Variants in NKIRAS1 observed in about 807,000 individuals in gnomAD.
NKIRAS1 encodes NFKB inhibitor interacting Ras like 1.
A neutral mutation model predicts 19.8 loss-of-function variants in NKIRAS1; 16 were observed. The observed-to-expected ratio is 0.81, with a 90% CI of 0.55 to 1.23. The LOEUF (loss-of-function observed/expected upper bound fraction) is 1.23, where lower values mean the gene tolerates loss of function less well. NKIRAS1 is among the 50% of genes most tolerant of loss of function. The pLI is 0.00. For missense variants in NKIRAS1, 184 were observed against 220.0 expected (o/e 0.84, Z 1.04); for synonymous variants, 88 against 79.0 (o/e 1.11, Z -0.61).
chr3:23,905,795 CAAAAA>C (rs34872852), intron 3 of NKIRAS1, among the ~76,000 whole-genome samples: 2 of 117,720 alleles, frequency 1.7e-5, no homozygotes, highest in Non-Finnish European at 3.5e-5. Context: ...AAATGTGCTC[CAAAAA>C]AAAAAAAAAA....
At chr3:23,946,025 G>A in intron 1 of NKIRAS1, 3 of 821,396 alleles carry the variant, frequency 3.7e-6, no homozygotes, top group Non-Finnish European at 4.4e-6. Flanking sequence ...ACACGTGGGG[G>A]CGGGGGCGCG....
upstream of NKIRAS1, chr3:23,917,900 A>C (rs1704743862): frequency 6.2e-7 from 1 of 1,613,040 alleles, no homozygotes; most frequent in South Asian, 1.1e-5. Flanking sequence ...TGGAGAAAGA[A>C]GCAGTCTGAT....
In NKIRAS1 at chr3:23,890,353, T is replaced by C. The variant is rs950928548; in HGVS notation, c.*2742A>G. ...CCCAACGTTATGTTTTTTTGAAATT[T>C]TGATGGAAAAATATCCAGCATGGTG... On this transcript the variant is annotated 3_prime_UTR_variant, in exon 5 of 5. Coordinates refer to ENST00000425478, the MANE Select transcript of NKIRAS1 (RefSeq NM_020345.4). 6.6e-6 allele frequency among the ~76,000 whole-genome samples: 1 copy of C among 152,214 alleles called. No individual in the cohort carries two copies. The highest frequency in any genetic ancestry group is 6.5e-5 in the Admixed American group (1 of 15,274).
rs759252359 is a variant in NKIRAS1 at position 23,900,940 on chromosome 3, G to A, written c.204C>T (p.Gly68=). 26 of 1,613,960 alleles carry A rather than the reference G, an allele frequency of 1.6e-5. No individual in the cohort carries two copies. The highest frequency in any genetic ancestry group is 4.5e-5 in the East Asian group (2 of 44,882). The part of the protein sequence containing the change: ...HLYDTRGLQE[G]VELPKHYFSF... ...AAAAATAATGCTTTGGCAGCTCCAC[G>A]CCTTCCTGTAGACCTCTGGTGTCAT... Residue 68 remains glycine, a synonymous_variant, in exon 4 of 5, where the codon GGC becomes GGT. Coordinates refer to ENST00000425478, the MANE Select transcript of NKIRAS1 (RefSeq NM_020345.4).
At chr3:23,901,434 T>G (rs904892980) in intron 3 of NKIRAS1, among the ~76,000 whole-genome samples, 1 of 152,118 alleles carries the variant, frequency 6.6e-6, no homozygotes, top group African/African-American at 2.4e-5. Flanking sequence ...ATCTACCCAC[T>G]TTGGCCTCTA....
chr3:23,920,604 C>T, upstream of NKIRAS1: 1 of 984,892 alleles, frequency 1.0e-6, no homozygotes, highest in Non-Finnish European at 1.2e-6. Context: ...AGGAATTGCC[C>T]AATTTTAAAT....
Position 23,927,749 on chromosome 3 carries a change from A to G in NKIRAS1, c.-139-16299T>C, listed in dbSNP as rs369928877. On this transcript the variant is annotated intron_variant, in intron 1 of 4. Coordinates refer to the NKIRAS1 transcript ENST00000421515. The surrounding 1 kb of genome is among the most constrained non-coding windows in gnomAD (Gnocchi z 4.0). ...CCCGAGGTTGATTATTAACTAAGCT[A>G]GGATGTTTTGCTTATCAAAAAGAAA... is the stretch of plus-strand genomic sequence containing the variant. 2.6e-5 allele frequency among the ~76,000 whole-genome samples: 4 copies of G among 152,204 alleles called. No homozygotes were observed. The highest frequency in any genetic ancestry group is 9.6e-5 in the African/African-American group (4 of 41,454).
At chr3:23,936,985 CA>C (rs1392181108) in intron 1 of NKIRAS1, among the ~76,000 whole-genome samples, 1 of 152,182 alleles carries the variant, frequency 6.6e-6, no homozygotes, top group Non-Finnish European at 1.5e-5. Context: ...GAGAATTCAC[CA>C]GTGGAGGAGA....
At chr3:23,925,465 T>C (rs1424730361) in intron 1 of NKIRAS1, among the ~76,000 whole-genome samples, 1 of 152,062 alleles carries the variant, frequency 6.6e-6, no homozygotes, top group African/African-American at 2.4e-5. Context: ...GAAACCCGTC[T>C]CTATTAAAAA....
intron 2 of NKIRAS1, 51 bp from the exon 3 acceptor site, chr3:23,910,972 A>G: frequency 7.4e-7 from 1 of 1,353,670 alleles, no homozygotes; most frequent in East Asian, 2.3e-5. Flanking sequence ...GAAATTAACC[A>G]TTTCTTTTTC....
chr3:23,913,587 G>C (rs977673140), intron 1 of NKIRAS1, among the ~76,000 whole-genome samples: 1 of 152,038 alleles, frequency 6.6e-6, no homozygotes, highest in African/African-American at 2.4e-5. Context: ...ATAAATGATC[G>C]CTATGGCAGG....
At chr3:23,921,570 GTTT>G (rs71622703), upstream of NKIRAS1, 2,921 of 503,196 alleles carry the variant, frequency 5.8e-3, 7 homozygotes, top group East Asian at 9.6e-3. Flanking sequence ...TGATTATTGA[GTTT>G]TTTTTTTTTT....
chr3:23,911,217 T>G, intron 2 of NKIRAS1, 112 bp downstream of exon 2: 1 of 232,662 alleles, frequency 4.3e-6, no homozygotes, highest in Non-Finnish European at 8.5e-6. Context: ...ACTTTGGGAG[T>G]CCAAGGCGGG....
chr3:23,893,272 C>T lies in NKIRAS1; in HGVS notation c.402G>A (p.Val134=). 6.2e-7 allele frequency: 1 copy of T among 1,614,084 alleles called. No individual in the cohort carries two copies. The highest frequency in any genetic ancestry group is 8.5e-7 in the Non-Finnish European group (1 of 1,179,968). ...LSEQRQVDAE[V]AQQWAKSEKV... Reference sequence around the variant, plus strand: ...TCTCACTTTTTGCCCACTGCTGTGCCACTTCAGCGTCCACTTGTCTCTGCT... The same window carrying T: ...TCTCACTTTTTGCCCACTGCTGTGCTACTTCAGCGTCCACTTGTCTCTGCT... Residue 134 remains valine, a synonymous_variant, in exon 5 of 5, where the codon GTG becomes GTA. Coordinates refer to ENST00000425478, the MANE Select transcript of NKIRAS1 (RefSeq NM_020345.4).
chr3:23,919,688 T>G (rs530735014), upstream of NKIRAS1: 44 of 1,390,196 alleles, frequency 3.2e-5, no homozygotes, highest in African/African-American at 6.2e-4. Flanking sequence ...TCTAATAAGA[T>G]AAACTTTTTT....
intron 1 of NKIRAS1, among the ~76,000 whole-genome samples, chr3:23,945,780 T>C (rs1442434570): frequency 2.0e-5 from 3 of 150,098 alleles, no homozygotes; most frequent in Admixed American, 2.0e-4. Flanking sequence ...CCCGCCCTCT[T>C]GTCTCCCTGC....
chr3:23,913,171 AC>A (rs1703956116), intron 1 of NKIRAS1, among the ~76,000 whole-genome samples: 1 of 152,156 alleles, frequency 6.6e-6, no homozygotes, highest in South Asian at 2.1e-4. Context: ...TAAAAATTAT[AC>A]ATTGTTTTGT....
At position 23,900,835 on chromosome 3, in the gene NKIRAS1, T is replaced by C; in HGVS notation, c.309A>G (p.Glu103=). 1.2e-6 allele frequency: 2 copies of C among 1,613,678 alleles called. No homozygotes were observed. Among genetic ancestry groups the C allele is most frequent in the Non-Finnish European group, 1.7e-6 (2 of 1,179,590 alleles). Residue 103 remains glutamate, a synonymous_variant, in exon 4 of 5, where the codon GAA becomes GAG. Transcript: ENST00000425478. ...CTTTTTTGTCTTTGAACTTATCGAT[T>C]TCTTTCTTCAGAAGCTCCACTCTTT... ...SFQRVELLKK[E]IDKFKDKKEV...
At position 23,944,449 on chromosome 3, in the gene NKIRAS1, T is replaced by C. The variant is rs147301215; in HGVS notation, c.-140+1874A>G. 5.3e-4 allele frequency among the ~76,000 whole-genome samples: 80 copies of C among 152,330 alleles called. 1 individual carries two copies. Among genetic ancestry groups the C allele is most frequent in the African/African-American group, 1.6e-3 (68 of 41,582 alleles). Reference sequence around the variant, plus strand: ...CTATCAGCCCATCTTACTTCAGTAATGCGTTTAAATTGCGGGCATCAATGC... The same window carrying C: ...CTATCAGCCCATCTTACTTCAGTAACGCGTTTAAATTGCGGGCATCAATGC... On this transcript the variant is annotated intron_variant, in intron 1 of 4. Coordinates refer to the NKIRAS1 transcript ENST00000421515.
Sources: allele counts gnomAD v4.1 joint callset (sites outside exome capture counted in the v4.1 genomes callset), GRCh38; gene constraint gnomAD v4.1.1; non-coding constraint Gnocchi (gnomAD v3.1); transcripts MANE v1.5; gene names NCBI Gene and HGNC (gene_info 2026-07-23, HGNC 2026-07-21).